Variants in MASP2 observed in about 807,000 individuals in gnomAD.
MASP2 encodes the protein mannan-binding lectin serine protease 2.
MASP2 carries 49 observed loss-of-function variants against 57.1 expected under a neutral mutation model. The observed-to-expected ratio is 0.86, with a 90% CI of 0.68 to 1.09. The LOEUF (loss-of-function observed/expected upper bound fraction) is 1.09. Ranked by LOEUF, MASP2 falls within the 50% of genes least tolerant of loss-of-function variation. The pLI, the probability that MASP2 is intolerant of heterozygous loss-of-function variation, is 0.00. For synonymous variants in MASP2, 379 were observed against 340.8 expected, an observed-to-expected ratio of 1.11 and a Z score of -1.24; for missense variants, 900 against 874.8, an observed-to-expected ratio of 1.03 and a Z score of -0.36.
chr1:11,035,455 A>C (rs1643879892), intron 7 of MASP2, among the ~76,000 whole-genome samples: 1 of 152,108 alleles, frequency 6.6e-6, no homozygotes, highest in African/African-American at 2.4e-5. Context: ...TGAACCTGTG[A>C]GGCGGGGGTT....
At position 11,030,862 on chromosome 1, in the gene MASP2, CA is replaced by C; in HGVS notation, c.1107del (p.Asp370MetfsTer16). 1 of 1,613,208 alleles carries C rather than the reference CA, an allele frequency of 6.2e-7. No individual in the cohort carries two copies. Among genetic ancestry groups the C allele is most frequent in the Non-Finnish European group, 8.5e-7 (1 of 1,179,712 alleles). The part of the protein sequence containing the change: ...PACSIVDCGP[P>X]DDLPSGRVEY... ...TCCACTCGGCCACTGGGTAGATCATCAGGAGGGCCACAGTCAACAACTAAGA... is the reference window on the plus strand; with the variant it reads ...TCCACTCGGCCACTGGGTAGATCATCGGAGGGCCACAGTCAACAACTAAGA... On this transcript the variant is annotated frameshift_variant, in exon 9 of 11. Transcript: ENST00000400897. LOFTEE classifies it high-confidence loss of function.
At chr1:11,045,262 G>T in intron 4 of MASP2, 146 bp downstream of exon 4, 1 of 1,205,160 alleles carries the variant, frequency 8.3e-7, no homozygotes. Flanking sequence ...GCAGGGCTGA[G>T]AAGGGGAGCT....
rs1276777622 is a variant in MASP2, at chr1:11,030,788, G to A, written c.1182C>T (p.Tyr394=). Residue 394 remains tyrosine, a synonymous_variant, in exon 9 of 11, where the codon TAC becomes TAT. Coordinates refer to ENST00000400897, the MANE Select transcript of MASP2 (RefSeq NM_006610.4). ...GVTTYKAVIQ[Y]SCEETFYTMK... ...TTGTGTAGAAGGTCTCTTCACAGCT[G>A]TACTGAATCACAGCTTTGTAGGTGG... The A allele has an allele frequency of 6.2e-7, 1 of 1,613,914 alleles. No homozygotes were observed. Among genetic ancestry groups the A allele is most frequent in the Admixed American group, 1.7e-5 (1 of 59,962 alleles).
At chr1:11,027,690 G>A in intron 10 of MASP2, 42 bp from the exon 11 acceptor site, 1 of 1,531,388 alleles carries the variant, frequency 6.5e-7, no homozygotes, top group Non-Finnish European at 8.8e-7. Flanking sequence ...TTGTAAAAAT[G>A]TCAATCGTGT....
At chr1:11,036,088 G>A (rs1425904659) in intron 7 of MASP2, among the ~76,000 whole-genome samples, 1 of 152,048 alleles carries the variant, frequency 6.6e-6, no homozygotes, top group Non-Finnish European at 1.5e-5. Flanking sequence ...TCATTCACAG[G>A]GAAACATTTT....
intron 8 of MASP2, among the ~76,000 whole-genome samples, 200 bp from the exon 9 acceptor site, chr1:11,031,082 C>G (rs770520258): frequency 1.6e-4 from 25 of 151,806 alleles, no homozygotes; most frequent in Non-Finnish European, 3.7e-4. Flanking sequence ...GCCTGTTGTC[C>G]CAATTACTTG....
At chr1:11,041,605 GGA>G (rs1638442138) in intron 6 of MASP2, among the ~76,000 whole-genome samples, 1 of 143,996 alleles carries the variant, frequency 6.9e-6, no homozygotes, top group South Asian at 2.3e-4. Context: ...GATGGTGGAT[GGA>G]TGGATGGATG....
chr1:11,039,843 G>A (rs1638365409), intron 6 of MASP2, among the ~76,000 whole-genome samples: 1 of 149,938 alleles, frequency 6.7e-6, no homozygotes. Context: ...AGGATGGGTG[G>A]GTGGGTAGGT....
At position 11,042,986 on chromosome 1, in the gene MASP2, C is replaced by T; in HGVS notation, c.778G>A (p.Gly260Arg). The change falls in exon 6 of 11, where the codon GGG becomes AGG. Residue 260 changes from glycine to arginine, a missense_variant. Gly to Arg is a moderately radical substitution (Grantham distance 125). Transcript: ENST00000400897. ...TDREEHGPFC[G>R]KTLPHRIETK... Reference sequence around the variant, plus strand: ...TCAATCCTGTGGGGCAATGTCTTCCCACAGAATGGGCCATGTTCTTCTCTG... The same window carrying T: ...TCAATCCTGTGGGGCAATGTCTTCCTACAGAATGGGCCATGTTCTTCTCTG... The T allele has an allele frequency of 6.2e-7, 1 of 1,614,014 alleles. No individual in the cohort carries two copies. The highest frequency in any genetic ancestry group is 8.5e-7 in the Non-Finnish European group (1 of 1,179,936).
At chr1:11,045,848 C>A (rs1192514430) in intron 3 of MASP2, 3 of 418,976 alleles carry the variant, frequency 7.2e-6, no homozygotes, top group South Asian at 3.7e-5. Flanking sequence ...AGCGCTGAAC[C>A]CTTGCAGCAG....
intron 6 of MASP2, among the ~76,000 whole-genome samples, chr1:11,039,360 GGATGGATGGATGGATGGATA>G (rs1423541331): frequency 2.7e-5 from 4 of 148,228 alleles, no homozygotes; most frequent in Non-Finnish European, 4.5e-5. Context: ...ATGGATGGAT[GGATGGATGGATGGATGGATA>G]GATTGGTGGA....
At chr1:11,044,761 T>TACC in intron 4 of MASP2, 2 of 1,313,610 alleles carry the variant, frequency 1.5e-6, no homozygotes, top group Non-Finnish European at 2.0e-6. Context: ...CCCCGCCGCC[T>TACC]CCCGACCCTC....
intron 4 of MASP2, among the ~76,000 whole-genome samples, chr1:11,044,639 G>GC (rs1638566878): frequency 6.6e-6 from 1 of 152,188 alleles, no homozygotes; most frequent in African/African-American, 2.4e-5. Flanking sequence ...GGGCCTCAGT[G>GC]CCCCATCTTC....
chr1:11,045,601 C>A, intron 3 of MASP2, 62 bp from the exon 4 acceptor site: 1 of 1,524,092 alleles, frequency 6.6e-7, no homozygotes, highest in Non-Finnish European at 8.8e-7. Flanking sequence ...CCAGCCTGGA[C>A]TCCTCCCAGG....
chr1:11,044,717 G>A (rs1349603665), intron 4 of MASP2: 32 of 1,293,186 alleles, frequency 2.5e-5, no homozygotes, highest in Admixed American at 4.9e-5. Context: ...TGGGGTTCAT[G>A]AGGCTGTGAG....
intron 8 of MASP2, among the ~76,000 whole-genome samples, chr1:11,031,659 G>A (rs560990826): frequency 2.0e-5 from 3 of 152,132 alleles, no homozygotes; most frequent in East Asian, 3.9e-4. Flanking sequence ...AGCTGGGCTC[G>A]GTGGTTCAAA....
chr1:11,037,852 T>C, intron 6 of MASP2, 41 bp from the exon 7 acceptor site: 1 of 1,219,390 alleles, frequency 8.2e-7, no homozygotes, highest in South Asian at 1.3e-5. Context: ...TCATGTGGTC[T>C]ACAGCAGCCA....
chr1:11,046,357 T>A, intron 3 of MASP2, 199 bp downstream of exon 3: 2 of 635,352 alleles, frequency 3.1e-6, no homozygotes, highest in South Asian at 3.7e-5. Context: ...GATCCCTGGC[T>A]CAGAGTTGGC....
chr1:11,027,415 G>C lies in MASP2; in HGVS notation c.1531C>G (p.Gln511Glu). The change falls in exon 11 of 11, where the codon CAA becomes GAA. Residue 511 changes from glutamine (Q) to glutamate (E), a missense_variant. Physicochemically the swap from Gln to Glu is conservative, Grantham distance 29 (BLOSUM62 2). Coordinates refer to ENST00000400897, the MANE Select transcript of MASP2 (RefSeq NM_006610.4). Reference protein sequence around the residue: ...TLKRLSPHYTQAWSEAVFIHE... With the variant: ...TLKRLSPHYTEAWSEAVFIHE... ...ATAAAAACAGCTTCAGACCAGGCTTGTGTATAATGAGGTGATAGTCTTTTC... is the reference window on the plus strand; with the variant it reads ...ATAAAAACAGCTTCAGACCAGGCTTCTGTATAATGAGGTGATAGTCTTTTC... 1 of 1,614,208 alleles carries C rather than the reference G, an allele frequency of 6.2e-7. No homozygotes were observed.
Sources: gnomAD v4.1 joint callset for allele counts (sites outside exome capture counted in the v4.1 genomes callset) on GRCh38, gnomAD v4.1.1 for gene constraint, MANE v1.5 for transcripts, NCBI Gene and HGNC (gene_info 2026-07-23, HGNC 2026-07-21) for gene names.